Variants in PRKG1 observed in about 807,000 individuals in gnomAD.
The protein encoded by PRKG1 is cGMP-dependent protein kinase 1.
Under a neutral mutation model 88.1 loss-of-function variants are expected in PRKG1, and 35 were observed. The ratio of observed to expected loss-of-function variants is 0.40; its 90% CI spans 0.30 to 0.53. PRKG1 has a LOEUF of 0.53. PRKG1 is among the 20% of genes least tolerant of loss of function. PRKG1 has a pLI of 0.59. For synonymous variants in PRKG1, 303 were observed against 292.5 expected (o/e 1.04, Z -0.37); for missense variants, 540 against 839.8 (o/e 0.64, Z 4.41).
chr10:51,698,926 C>G, intron 3 of PRKG1: 1 of 1,614,190 alleles, frequency 6.2e-7, no homozygotes, highest in Non-Finnish European at 8.5e-7. Context: ...CAGAGACAGA[C>G]ACAGACTGAG....
chr10:51,602,808 C>A (rs1420612217), intron 3 of PRKG1, among the ~76,000 whole-genome samples: 1 of 144,188 alleles, frequency 6.9e-6, no homozygotes, highest in Non-Finnish European at 1.5e-5. Context: ...ATTAATTTTC[C>A]AACTGGTGAC....
At chr10:51,769,375 A>G (rs1838247531) in intron 3 of PRKG1, among the ~76,000 whole-genome samples, 1 of 152,212 alleles carries the variant, frequency 6.6e-6, no homozygotes. Flanking sequence ...TCTACATGGT[A>G]GAAATTAAGC....
rs1195296203 is a variant in PRKG1, at chr10:52,171,782, C to CA, written c.1076+9823dup. The stretch of plus-strand genomic sequence containing the variant: ...TTGAATAGAAGTATTTTTCTTTTAT[C>CA]AAAATTTTTTTTTTTTTTTTTTTTT... On this transcript the variant is annotated intron_variant, in intron 9 of 17. Transcript: ENST00000373980. Among the ~76,000 whole-genome samples the CA allele has an allele frequency of 6.6e-3, 754 of 114,476 alleles. 19 individuals are homozygous for CA. The highest frequency in any genetic ancestry group is 0.03 in the African/African-American group (711 of 23,528). The allele number at this position is 114,476 out of a possible 152,430, so 75.1% of individuals were successfully genotyped here.
At chr10:51,772,421 G>T (rs1057459295) in intron 3 of PRKG1, among the ~76,000 whole-genome samples, 1 of 152,002 alleles carries the variant, frequency 6.6e-6, no homozygotes, top group African/African-American at 2.4e-5. Flanking sequence ...TTAAAAACTG[G>T]TGAATTAAAA....
intron 2 of PRKG1, among the ~76,000 whole-genome samples, chr10:51,276,812 G>A (rs1840133845): frequency 6.6e-6 from 1 of 152,036 alleles, no homozygotes; most frequent in Non-Finnish European, 1.5e-5. Flanking sequence ...TGATGGGGTT[G>A]TTTTTTTCTC....
At chr10:52,137,039 A>G (rs1335958975) in intron 8 of PRKG1, among the ~76,000 whole-genome samples, 1 of 152,120 alleles carries the variant, frequency 6.6e-6, no homozygotes, top group Admixed American at 6.6e-5. Context: ...TGCTGCTGAT[A>G]TCTAATTTAT....
At chr10:52,035,380 A>C (rs1410193083) in intron 5 of PRKG1, among the ~76,000 whole-genome samples, 1 of 152,170 alleles carries the variant, frequency 6.6e-6, no homozygotes, top group African/African-American at 2.4e-5. Context: ...AACACTGAGA[A>C]GTTATTTCCT....
At chr10:51,658,247 T>A (rs1229590012) in intron 3 of PRKG1, among the ~76,000 whole-genome samples, 1 of 152,066 alleles carries the variant, frequency 6.6e-6, no homozygotes, top group Non-Finnish European at 1.5e-5. Flanking sequence ...CAAGTCTAGG[T>A]CATGCACCCA....
At chr10:51,129,881 G>A (rs1465090757) in intron 1 of PRKG1, among the ~76,000 whole-genome samples, 1 of 152,066 alleles carries the variant, frequency 6.6e-6, no homozygotes, top group Non-Finnish European at 1.5e-5. Flanking sequence ...ATGTGAATAG[G>A]GCTTCCAGGA....
chr10:51,152,976 C>CTTTTTTTT lies in PRKG1; in HGVS notation c.312-178_312-171dup, dbSNP rs1283273580. Among the ~76,000 whole-genome samples the CTTTTTTTT allele has an allele frequency of 9.8e-5, 11 of 112,654 alleles. 3 individuals carry two copies. Among genetic ancestry groups the CTTTTTTTT allele is most frequent in the Non-Finnish European group, 9.1e-5 (5 of 55,066 alleles). The allele number at this position is 112,654 out of a possible 152,430, so 73.9% of individuals were successfully genotyped here. ...AATACTTAAAAAAAATTCTTAGTGCCTTTTTTTTTTTTTTTTTGTTTTGCT... is the reference window on the plus strand; with the variant it reads ...AATACTTAAAAAAAATTCTTAGTGCCTTTTTTTTTTTTTTTTTTTTTTTTTGTTTTGCT... On this transcript the variant is annotated intron_variant, in intron 1 of 17. Coordinates refer to ENST00000373980, the MANE Select transcript of PRKG1 (RefSeq NM_006258.4).
intron 3 of PRKG1, among the ~76,000 whole-genome samples, chr10:51,655,463 T>C (rs1424644355): frequency 6.6e-6 from 1 of 152,072 alleles, no homozygotes; most frequent in Non-Finnish European, 1.5e-5. Context: ...AATCAGAATA[T>C]AGAAAGATCA....
intron 4 of PRKG1, among the ~76,000 whole-genome samples, chr10:51,895,973 CT>C (rs1417406947): frequency 1.3e-5 from 2 of 152,174 alleles, no homozygotes; most frequent in Admixed American, 6.5e-5. Context: ...CCAAGGGCCC[CT>C]TGTGACATTG....
At chr10:51,979,410 G>GTTTTT (rs61150252) in intron 5 of PRKG1, among the ~76,000 whole-genome samples, 6,727 of 46,958 alleles carry the variant, frequency 0.14, 2,526 homozygotes, top group Non-Finnish European at 0.19. Context: ...ATATTGGTCT[G>GTTTTT]TTTTTTTTTT....
intron 3 of PRKG1, among the ~76,000 whole-genome samples, chr10:51,692,120 T>C (rs1486127829): frequency 6.6e-6 from 1 of 152,210 alleles, no homozygotes; most frequent in East Asian, 1.9e-4. Context: ...GCAATGTTTT[T>C]AGTCCTGATT....
rs1051987221 is a variant in PRKG1 at position 52,296,911 on chromosome 10, G to A, written c.*3011G>A. ...CAAGTCATAATTTTTACCTAAAATTGTGGAATATGCATGTGAATTACACAT... is the reference window on the plus strand; with the variant it reads ...CAAGTCATAATTTTTACCTAAAATTATGGAATATGCATGTGAATTACACAT... On this transcript the variant is annotated 3_prime_UTR_variant, in exon 18 of 18. Coordinates refer to ENST00000373980, the MANE Select transcript of PRKG1 (RefSeq NM_006258.4). 3 of 152,018 alleles carry A rather than the reference G, an allele frequency of 2.0e-5. No homozygotes were observed. Among genetic ancestry groups the A allele is most frequent in the African/African-American group, 7.2e-5 (3 of 41,400 alleles). The allele number at this position is 152,018 out of a possible 1,614,324, so 9.4% of individuals were successfully genotyped here. A position where few individuals can be genotyped will look rare whatever the true frequency, so the allele number is the denominator to read the frequency against.
At chr10:51,188,403 A>G (rs770919574) in intron 2 of PRKG1, among the ~76,000 whole-genome samples, 19 of 151,982 alleles carry the variant, frequency 1.3e-4, no homozygotes, top group Non-Finnish European at 1.8e-4. Flanking sequence ...AATAAAAACT[A>G]AACAAAGTAG....
intron 3 of PRKG1, among the ~76,000 whole-genome samples, chr10:51,708,329 T>C (rs1564616047): frequency 6.6e-6 from 1 of 152,146 alleles, no homozygotes. Context: ...TATAATTATC[T>C]CTTTAGAGGC....
chr10:51,712,425 T>G (rs935043592), intron 3 of PRKG1, among the ~76,000 whole-genome samples: 1 of 152,182 alleles, frequency 6.6e-6, no homozygotes, highest in Non-Finnish European at 1.5e-5. Flanking sequence ...TTTGGGGAAG[T>G]GTGTTCTAAA....
chr10:52,084,176 T>C (rs1241458086), intron 7 of PRKG1, among the ~76,000 whole-genome samples: 1 of 152,002 alleles, frequency 6.6e-6, no homozygotes, highest in Admixed American at 6.6e-5. Context: ...AAATGCTTGA[T>C]AGGGTCTGGT....
Sources: allele counts gnomAD v4.1 joint callset (sites outside exome capture counted in the v4.1 genomes callset), GRCh38; gene constraint gnomAD v4.1.1; transcripts MANE v1.5; gene names NCBI Gene and HGNC (gene_info 2026-07-23, HGNC 2026-07-21).